MCAT: variants seen among roughly 807,000 people sequenced by gnomAD.
MCAT encodes malonyl-CoA-acyl carrier protein transacylase.
A neutral mutation model predicts 22.9 loss-of-function variants in MCAT; 22 were observed. The ratio of observed to expected loss-of-function variants is 0.96; its 90% CI spans 0.69 to 1.37. MCAT has a LOEUF of 1.37. MCAT is among the 40% of genes most tolerant of loss of function. MCAT has a pLI of 0.00. For synonymous variants in MCAT, 240 were observed against 233.9 expected (o/e 1.03, Z -0.24); for missense variants, 534 against 533.6 (o/e 1.00, Z -0.01).
At chr22:43,141,036 T>C (rs1165857538) in intron 2 of MCAT, 126 bp downstream of exon 2, 9 of 719,180 alleles carry the variant, frequency 1.3e-5, no homozygotes, top group Non-Finnish European at 2.3e-5. Flanking sequence ...CATGTGCCAA[T>C]GTCACCCCTG....
intron 3 of MCAT, among the ~76,000 whole-genome samples, chr22:43,134,865 C>T (rs1930557882): frequency 6.6e-6 from 1 of 152,188 alleles, no homozygotes; most frequent in South Asian, 2.1e-4. Flanking sequence ...ACTCTGGAGC[C>T]CAAGCCCCTC....
intron 3 of MCAT, among the ~76,000 whole-genome samples, chr22:43,135,979 G>A (rs1930597707): frequency 6.6e-6 from 1 of 152,182 alleles, no homozygotes; most frequent in Non-Finnish European, 1.5e-5. Context: ...GTGGTGGCCT[G>A]TGTCTGTAGT....
At chr22:43,141,664 C>T (rs1463969766) in intron 1 of MCAT, among the ~76,000 whole-genome samples, 3 of 152,076 alleles carry the variant, frequency 2.0e-5, no homozygotes, top group Admixed American at 6.6e-5. Context: ...GTCCGCCTCC[C>T]GGGTTCAAGC....
intron 1 of MCAT, among the ~76,000 whole-genome samples, chr22:43,142,677 T>A (rs1195842016): frequency 6.6e-6 from 1 of 150,916 alleles, no homozygotes; most frequent in Non-Finnish European, 1.5e-5. Flanking sequence ...TCCCAGCTAC[T>A]TGGGAGGCTG....
In MCAT at chr22:43,142,796, CAAAA is replaced by C. The variant is rs993179451; in HGVS notation, c.423+126_423+129del. 6.8e-5 allele frequency: 61 copies of C among 901,102 alleles called. No individual in the cohort carries two copies. In the East Asian group the frequency reaches 1.5e-3, roughly 23 times the overall value. 55.8% of individuals were successfully genotyped at this position (901,102 alleles called of 1,614,324 possible). A position where few individuals can be genotyped will look rare whatever the true frequency, so the allele number is the denominator to read the frequency against. ...TCTCAAAAAAAAAAACAAAAACAAA[CAAAA>C]AAAAAAACTCGATCGAATGAGTAAG... On this transcript the variant is annotated intron_variant, in intron 1 of 3. Coordinates refer to ENST00000290429, the MANE Select transcript of MCAT (RefSeq NM_173467.5).
chr22:43,138,815 GAGAGA>G (rs1419405057), intron 2 of MCAT, among the ~76,000 whole-genome samples: 2 of 152,204 alleles, frequency 1.3e-5, no homozygotes, highest in East Asian at 3.8e-4. Context: ...TTCCTGGGCA[GAGAGA>G]AGAGATGACC....
chr22:43,137,050 G>A, intron 3 of MCAT, 31 bp downstream of exon 3: 1 of 1,581,826 alleles, frequency 6.3e-7, no homozygotes, highest in Non-Finnish European at 8.7e-7. Flanking sequence ...TACTGGACTG[G>A]CCTATGAAGG....
At chr22:43,137,046 AC>A (rs1264625075) in intron 3 of MCAT, 34 bp downstream of exon 3, 1 of 1,573,830 alleles carries the variant, frequency 6.4e-7, no homozygotes, top group East Asian at 2.2e-5. Flanking sequence ...TCCGTACTGG[AC>A]TGGCCTATGA....
At chr22:43,141,055 C>T (rs1930753233) in intron 2 of MCAT, 107 bp downstream of exon 2, 1 of 831,738 alleles carries the variant, frequency 1.2e-6, no homozygotes, top group Non-Finnish European at 2.1e-6. Flanking sequence ...TGTCCATGTG[C>T]TCCCTTCCCA....
intron 3 of MCAT, among the ~76,000 whole-genome samples, chr22:43,136,232 A>G (rs1413982708): frequency 6.6e-6 from 1 of 152,238 alleles, no homozygotes; most frequent in Non-Finnish European, 1.5e-5. Flanking sequence ...CAACACAGTG[A>G]GACCCTGTCT....
chr22:43,141,785 T>C (rs779160983), intron 1 of MCAT, among the ~76,000 whole-genome samples: 1 of 152,208 alleles, frequency 6.6e-6, no homozygotes, highest in Non-Finnish European at 1.5e-5. Context: ...TTGGCCAGGC[T>C]GGTTTTGAAC....
rs138106917 is a variant in MCAT, at chr22:43,133,199, G to A, written c.1017C>T (p.Gly339=). The stretch of plus-strand genomic sequence containing the variant: ...CTTCGAAAGTTTGGGGGAACCCCCT[G>A]CCCTTTTTCCTTTCGTATATGGCAT... ...TMHAIYERKK[G]RGFPQTFEVG... Residue 339 remains glycine, a synonymous_variant, in exon 4 of 4, where the codon GGC becomes GGT. Transcript: ENST00000290429. The A allele has an allele frequency of 1.2e-6, 2 of 1,614,102 alleles. No homozygotes were observed. Among genetic ancestry groups the A allele is most frequent in the African/African-American group, 2.7e-5 (2 of 74,930 alleles).
intron 3 of MCAT, among the ~76,000 whole-genome samples, chr22:43,134,283 G>T (rs1930542298): frequency 6.6e-6 from 1 of 152,196 alleles, no homozygotes; most frequent in Non-Finnish European, 1.5e-5. Context: ...GAGCTCAGAA[G>T]GGGCCTCGGG....
intron 2 of MCAT, among the ~76,000 whole-genome samples, chr22:43,138,792 A>G (rs78957515): frequency 0.015 from 2,215 of 152,184 alleles, 56 homozygotes; most frequent in African/African-American, 0.051. Flanking sequence ...GACCCCTGAC[A>G]CCCTGGTCCT....
intron 1 of MCAT, among the ~76,000 whole-genome samples, chr22:43,141,527 C>T (rs1930768141): frequency 6.6e-6 from 1 of 152,176 alleles, no homozygotes; most frequent in Non-Finnish European, 1.5e-5. Flanking sequence ...TGCCATGGCC[C>T]TGCAGCAGGC....
Position 43,137,296 on chromosome 22 carries a change from A to G in MCAT, c.514T>C (p.Leu172=). The stretch of plus-strand genomic sequence containing the variant: ...TCAGCTCGGATTTTCACTGCATACA[A>G]ACCTGGCCAGAGAGAAGCGCATTTG... ...FAGAMEFAEG[L]YAVKIRAEAM... is the part of the protein sequence containing the mutation. Residue 172 remains leucine (L), a splice_region_variant and synonymous_variant, in exon 3 of 4, where the codon TTG becomes CTG. Coordinates refer to ENST00000290429, the MANE Select transcript of MCAT (RefSeq NM_173467.5). 1 of 1,613,078 alleles carries G rather than the reference A, an allele frequency of 6.2e-7. No individual in the cohort carries two copies. Among genetic ancestry groups the G allele is most frequent in the Non-Finnish European group, 8.5e-7 (1 of 1,179,334 alleles).
intron 3 of MCAT, among the ~76,000 whole-genome samples, chr22:43,136,038 T>C (rs1930599783): frequency 6.6e-6 from 1 of 152,052 alleles, no homozygotes; most frequent in Non-Finnish European, 1.5e-5. Flanking sequence ...AGCCCAGTAG[T>C]TCAAGACCAG....
intron 2 of MCAT, 45 bp from the exon 3 acceptor site, chr22:43,137,343 A>G: frequency 6.5e-7 from 1 of 1,527,912 alleles, no homozygotes; most frequent in South Asian, 1.1e-5. Context: ...GCACAGAATG[A>G]AGGAGAAAAG....
In MCAT at chr22:43,133,366, C is replaced by T. The variant is rs780375021; in HGVS notation, c.850G>A (p.Ala284Thr). ...TTCTTAATGTCGACTGCCTTTAAAG[C>T]TTGCGTCAGGGGCTCCACGGCTGGC... is the stretch of plus-strand genomic sequence containing the variant. Reference protein sequence around the residue: ...MEPAVEPLTQALKAVDIKKPL... With the variant: ...MEPAVEPLTQTLKAVDIKKPL... Residue 284 changes from alanine to threonine, a missense_variant, in exon 4 of 4, where the codon GCT becomes ACT. Coordinates refer to ENST00000290429, the MANE Select transcript of MCAT (RefSeq NM_173467.5). 22 of 1,614,030 alleles carry T rather than the reference C, an allele frequency of 1.4e-5. No individual in the cohort carries two copies. The highest frequency in any genetic ancestry group is 2.7e-5 in the African/African-American group (2 of 74,908).
Sources: allele counts gnomAD v4.1 joint callset (sites outside exome capture counted in the v4.1 genomes callset), GRCh38; gene constraint gnomAD v4.1.1; transcripts MANE v1.5; gene names NCBI Gene and HGNC (gene_info 2026-07-23, HGNC 2026-07-21).